The following CASS4 variants were observed in gnomAD, a reference collection of about 807,000 sequenced individuals.
CASS4 encodes cas scaffolding protein family member 4.
CASS4 carries 22 observed loss-of-function variants against 54.2 expected under a neutral mutation model. The observed-to-expected ratio is 0.41, with a 90% CI of 0.29 to 0.58. The LOEUF (loss-of-function observed/expected upper bound fraction) is 0.58. CASS4 is among the 20% of genes least tolerant of loss of function. CASS4 has a pLI of 0.36. For synonymous variants in CASS4, 409 were observed against 391.5 expected, an observed-to-expected ratio of 1.04 and a Z score of -0.53; for missense variants, 854 against 986.7, an observed-to-expected ratio of 0.87 and a Z score of 1.80.
intron 1 of CASS4, among the ~76,000 whole-genome samples, chr20:56,434,110 T>C (rs1340204074): frequency 6.6e-6 from 1 of 152,184 alleles, no homozygotes; most frequent in East Asian, 1.9e-4. Context: ...TACAAGGAAC[T>C]GTGCAGTCTC....
intron 4 of CASS4, among the ~76,000 whole-genome samples, 182 bp downstream of exon 4, chr20:56,450,861 C>T (rs987012556): frequency 1.3e-5 from 2 of 151,958 alleles, no homozygotes; most frequent in African/African-American, 4.8e-5. Context: ...TGGCAAAACC[C>T]CATCTCTACT....
intron 1 of CASS4, among the ~76,000 whole-genome samples, chr20:56,416,555 GTGTA>G (rs1260376854): frequency 2.7e-5 from 4 of 149,864 alleles, no homozygotes; most frequent in East Asian, 1.9e-4. Context: ...GTGTGTGTGT[GTGTA>G]TGCACACATG....
intron 1 of CASS4, among the ~76,000 whole-genome samples, chr20:56,432,455 C>T (rs941215795): frequency 4.7e-5 from 7 of 150,256 alleles, no homozygotes; most frequent in Non-Finnish European, 7.4e-5. Flanking sequence ...GCAACCTCCA[C>T]CTCCTGGGCT....
rs1981069553 is a variant in CASS4, at chr20:56,452,406, T to C, written c.1230T>C (p.Val410=). Residue 410 remains valine, a synonymous_variant, in exon 5 of 6, where the codon GTT becomes GTC. Coordinates refer to ENST00000679887, the MANE Select transcript of CASS4 (RefSeq NM_020356.4). ...GSSSDSRASI[V]SSCSTTSTDD... The stretch of plus-strand genomic sequence containing the variant: ...GTTCTGACAGCAGAGCTAGCATCGT[T>C]TCCTCGTGCTCCACCACATCCACCG... 6.2e-7 allele frequency: 1 copy of C among 1,613,904 alleles called. No homozygotes were observed. The highest frequency in any genetic ancestry group is 8.5e-7 in the Non-Finnish European group (1 of 1,180,004).
intron 1 of CASS4, among the ~76,000 whole-genome samples, chr20:56,428,840 G>A (rs1185414496): frequency 6.6e-6 from 1 of 152,176 alleles, no homozygotes; most frequent in African/African-American, 2.4e-5. Context: ...TGCATGACCA[G>A]AGGCAGGTCA....
At chr20:56,425,252 C>T (rs1483250605) in intron 1 of CASS4, among the ~76,000 whole-genome samples, 1 of 152,226 alleles carries the variant, frequency 6.6e-6, no homozygotes, top group Non-Finnish European at 1.5e-5. Flanking sequence ...TTGCCTGGAC[C>T]AGGCCAGACA....
rs752468509 is a variant in CASS4 at position 56,458,538 on chromosome 20, G to A, written c.2152G>A (p.Asp718Asn). ...LVIMVGQKLVDTLCMETQERD... is the reference protein window; with the variant it reads ...LVIMVGQKLVNTLCMETQERD... Reference sequence around the variant, plus strand: ...CATCATGGTGGGACAGAAGCTGGTGGACACGCTGTGCATGGAGACCCAGGA... The same window carrying A: ...CATCATGGTGGGACAGAAGCTGGTGAACACGCTGTGCATGGAGACCCAGGA... The change falls in exon 6 of 6, where the codon GAC (aspartate) becomes AAC (asparagine). Residue 718 changes from aspartate to asparagine, a missense_variant. Transcript: ENST00000679887. The A allele has an allele frequency of 1.2e-6, 2 of 1,614,082 alleles. No homozygotes were observed. Among genetic ancestry groups the A allele is most frequent in the African/African-American group, 2.7e-5 (2 of 74,908 alleles).
chr20:56,452,430 C>G lies in CASS4; in HGVS notation c.1254C>G (p.Thr418=). The G allele has an allele frequency of 3.1e-6, 5 of 1,614,000 alleles. No homozygotes were observed. The highest frequency in any genetic ancestry group is 3.4e-6 in the Non-Finnish European group (4 of 1,179,964). The change falls in exon 5 of 6, where the codon ACC becomes ACG. Residue 418 remains threonine, a synonymous_variant. Transcript: ENST00000679887. The stretch of plus-strand genomic sequence containing the variant: ...TTTCCTCGTGCTCCACCACATCCAC[C>G]GACGACTCCTCCAGCTCTTCCTCGG... The part of the protein sequence containing the change: ...SIVSSCSTTS[T]DDSSSSSSEE...
intron 1 of CASS4, among the ~76,000 whole-genome samples, chr20:56,420,136 C>T (rs2146264493): frequency 6.6e-6 from 1 of 152,280 alleles, no homozygotes; most frequent in Non-Finnish European, 1.5e-5. Context: ...CCTACCTGGC[C>T]ACTCAGAGAG....
chr20:56,447,006 G>T (rs917308276), intron 3 of CASS4, among the ~76,000 whole-genome samples: 1 of 151,990 alleles, frequency 6.6e-6, no homozygotes, highest in East Asian at 1.9e-4. Context: ...CTAGGAGTTC[G>T]AGACCAGCCC....
At chr20:56,426,471 C>T (rs569696680) in intron 1 of CASS4, among the ~76,000 whole-genome samples, 3 of 152,248 alleles carry the variant, frequency 2.0e-5, no homozygotes, top group East Asian at 1.9e-4. Context: ...CCTTTCAGGG[C>T]GAACAGAATG....
intron 1 of CASS4, among the ~76,000 whole-genome samples, chr20:56,431,166 G>A (rs540211318): frequency 6.6e-6 from 1 of 152,304 alleles, no homozygotes; most frequent in East Asian, 1.9e-4. Context: ...TCTCTCATCT[G>A]TAAAATGGGG....
At chr20:56,416,061 T>G (rs1979120618) in intron 1 of CASS4, among the ~76,000 whole-genome samples, 1 of 152,126 alleles carries the variant, frequency 6.6e-6, no homozygotes, top group Admixed American at 6.5e-5. Flanking sequence ...TTTTCGTGGG[T>G]TTTTTTGAGG....
chr20:56,453,924 T>C (rs1269910321), intron 5 of CASS4: 1 of 152,182 alleles, frequency 6.6e-6, no homozygotes, highest in Non-Finnish European at 1.5e-5. Context: ...CTCACTCCTG[T>C]AAACCCAGCA....
At chr20:56,453,894 A>T (rs1568683144) in intron 5 of CASS4, 1 of 152,118 alleles carries the variant, frequency 6.6e-6, no homozygotes, top group Non-Finnish European at 1.5e-5. Context: ...AAAAGAAAAA[A>T]AAGAGTTGGG....
chr20:56,457,696 A>G (rs1050680695), intron 5 of CASS4, among the ~76,000 whole-genome samples: 2 of 152,130 alleles, frequency 1.3e-5, no homozygotes, highest in African/African-American at 2.4e-5. Flanking sequence ...TTTAAATCTC[A>G]TCAAGTTTTT....
At chr20:56,415,499 G>T (rs1175898905) in intron 1 of CASS4, among the ~76,000 whole-genome samples, 3 of 152,238 alleles carry the variant, frequency 2.0e-5, no homozygotes. Flanking sequence ...GTAAAGATCT[G>T]TTGAGCTTCT....
chr20:56,438,404 A>G (rs1980296531), intron 2 of CASS4, among the ~76,000 whole-genome samples: 1 of 151,320 alleles, frequency 6.6e-6, no homozygotes, highest in Non-Finnish European at 1.5e-5. Context: ...CCATTATGGC[A>G]TAGAAAACTC....
rs1317049838 is a variant in CASS4 at position 56,441,465 on chromosome 20, T to C, written c.459+3879T>C. The stretch of plus-strand genomic sequence containing the variant: ...ACTAAAAACACAAAAATTAGCCATG[T>C]GTGGTGGTATGCATCTGTAGTCCCA... On this transcript the variant is annotated intron_variant, in intron 2 of 5. Transcript: ENST00000679887. 3.3e-5 allele frequency among the ~76,000 whole-genome samples: 5 copies of C among 151,862 alleles called. No individual in the cohort carries two copies. The East Asian group carries it at 9.9e-4, about 30-fold the overall frequency.
Sources: gnomAD v4.1 joint callset for allele counts (sites outside exome capture counted in the v4.1 genomes callset) on GRCh38, gnomAD v4.1.1 for gene constraint, MANE v1.5 for transcripts, NCBI Gene and HGNC (gene_info 2026-07-23, HGNC 2026-07-21) for gene names.